Variants in GPC5 observed in about 807,000 individuals in gnomAD.
GPC5 encodes glypican-5.
A neutral mutation model predicts 53.9 loss-of-function variants in GPC5; 47 were observed. The observed-to-expected ratio is 0.87, with a 90% CI of 0.69 to 1.11. The LOEUF (loss-of-function observed/expected upper bound fraction) is 1.11. GPC5 is among the 50% of genes most tolerant of loss of function. GPC5 has a pLI of 0.00. For synonymous variants in GPC5, 286 were observed against 263.3 expected, an observed-to-expected ratio of 1.09 and a Z score of -0.84; for missense variants, 748 against 713.1, an observed-to-expected ratio of 1.05 and a Z score of -0.56.
chr13:92,826,635 G>A (rs1472479442), intron 7 of GPC5, among the ~76,000 whole-genome samples: 2 of 152,050 alleles, frequency 1.3e-5, no homozygotes, highest in African/African-American at 4.8e-5. Flanking sequence ...TATATCCCAA[G>A]GGACAGAATT....
intron 7 of GPC5, among the ~76,000 whole-genome samples, chr13:92,622,624 T>G (rs915411912): frequency 6.6e-6 from 1 of 151,968 alleles, no homozygotes; most frequent in Non-Finnish European, 1.5e-5. Context: ...AGTGCTGTGG[T>G]GCAGTCTCAG....
intron 3 of GPC5, among the ~76,000 whole-genome samples, chr13:91,716,064 C>T (rs1251454214): frequency 2.6e-5 from 4 of 152,086 alleles, no homozygotes; most frequent in Admixed American, 6.5e-5. Context: ...CAGGCATGAG[C>T]CACCATGCCT....
intron 7 of GPC5, among the ~76,000 whole-genome samples, chr13:92,666,293 G>T (rs527370326): frequency 2.8e-4 from 42 of 152,112 alleles, no homozygotes; most frequent in African/African-American, 9.9e-4. Context: ...GATTTTTACT[G>T]TGTATTGTAA....
chr13:92,390,495 C>T (rs544505691), intron 7 of GPC5, among the ~76,000 whole-genome samples: 12 of 152,088 alleles, frequency 7.9e-5, no homozygotes, highest in South Asian at 2.1e-4. Flanking sequence ...ATGACATAAT[C>T]GGCTGCAGCA....
At chr13:92,542,751 G>A (rs747870768) in intron 7 of GPC5, among the ~76,000 whole-genome samples, 2 of 151,934 alleles carry the variant, frequency 1.3e-5, no homozygotes, top group Non-Finnish European at 2.9e-5. Flanking sequence ...TTCCCGTTAG[G>A]TACAGTATTC....
intron 2 of GPC5, among the ~76,000 whole-genome samples, chr13:91,675,893 G>A (rs564606451): frequency 2.0e-5 from 3 of 152,230 alleles, no homozygotes; most frequent in Admixed American, 2.0e-4. Context: ...ACCCAAGAAA[G>A]AACATCGAAT....
At chr13:92,050,400 A>C (rs1012718808) in intron 6 of GPC5, among the ~76,000 whole-genome samples, 8 of 152,116 alleles carry the variant, frequency 5.3e-5, no homozygotes, top group Admixed American at 3.9e-4. Flanking sequence ...GCTTTCACTG[A>C]GTGGTTATAT....
At chr13:92,606,086 CT>C (rs917262147) in intron 7 of GPC5, among the ~76,000 whole-genome samples, 3 of 151,816 alleles carry the variant, frequency 2.0e-5, no homozygotes, top group East Asian at 1.9e-4. Context: ...TTTTATCTTT[CT>C]TTTTTTTATT....
intron 6 of GPC5, among the ~76,000 whole-genome samples, chr13:91,986,482 T>C (rs2040409511): frequency 6.6e-6 from 1 of 152,226 alleles, no homozygotes; most frequent in African/African-American, 2.4e-5. Context: ...AATTTGTTTG[T>C]AGCTATTTCC....
chr13:92,467,222 G>C (rs781351763), intron 7 of GPC5, among the ~76,000 whole-genome samples: 1 of 152,014 alleles, frequency 6.6e-6, no homozygotes, highest in Non-Finnish European at 1.5e-5. Flanking sequence ...CTTTTTCTTC[G>C]GAGCTTTTCA....
chr13:92,341,460 T>C (rs1196962867), intron 7 of GPC5, among the ~76,000 whole-genome samples: 1 of 152,100 alleles, frequency 6.6e-6, no homozygotes, highest in African/African-American at 2.4e-5. Context: ...AATTAATCTA[T>C]AAGATTAAAT....
intron 2 of GPC5, among the ~76,000 whole-genome samples, chr13:91,542,408 A>G (rs927301519): frequency 6.6e-6 from 1 of 152,246 alleles, no homozygotes; most frequent in Non-Finnish European, 1.5e-5. Context: ...TTCTGTCACA[A>G]TATGAGACTC....
chr13:92,318,146 A>G (rs891801722), intron 7 of GPC5, among the ~76,000 whole-genome samples: 1 of 152,222 alleles, frequency 6.6e-6, no homozygotes, highest in African/African-American at 2.4e-5. Context: ...AAGTATAAAA[A>G]TCAACTTGAT....
At chr13:92,224,835 G>T (rs532840882) in intron 7 of GPC5, among the ~76,000 whole-genome samples, 1 of 152,168 alleles carries the variant, frequency 6.6e-6, no homozygotes, top group Admixed American at 6.5e-5. Context: ...CTTGTGCCTG[G>T]TTTCTTACAG....
chr13:92,170,267 C>T (rs997779037), intron 7 of GPC5, among the ~76,000 whole-genome samples: 17 of 151,782 alleles, frequency 1.1e-4, no homozygotes, highest in Non-Finnish European at 1.5e-4. Flanking sequence ...TGATGTCCTA[C>T]ACAATCCATG....
chr13:91,976,156 G>A (rs1402466798), intron 6 of GPC5, among the ~76,000 whole-genome samples: 3 of 152,140 alleles, frequency 2.0e-5, no homozygotes, highest in African/African-American at 4.8e-5. Flanking sequence ...AGCATTAGGA[G>A]ATATACCTAA....
At chr13:91,721,194 G>A (rs1296747185) in intron 3 of GPC5, among the ~76,000 whole-genome samples, 2 of 151,316 alleles carry the variant, frequency 1.3e-5, no homozygotes, top group Non-Finnish European at 2.9e-5. Context: ...GAATGCAATG[G>A]TGCAATCTCA....
At chr13:91,852,550 A>C (rs191097984) in intron 5 of GPC5, among the ~76,000 whole-genome samples, 624 of 151,616 alleles carry the variant, frequency 4.1e-3, no homozygotes, top group Middle Eastern at 6.8e-3. Flanking sequence ...ATTTCTCTCT[A>C]TTAAGGAAAA....
intron 7 of GPC5, among the ~76,000 whole-genome samples, chr13:92,775,969 A>G (rs1240284764): frequency 6.6e-6 from 1 of 152,250 alleles, no homozygotes; most frequent in African/African-American, 2.4e-5. Context: ...GAGAAATACA[A>G]GCCTTGCCCT....
Sources: gnomAD v4.1 joint callset for allele counts (sites outside exome capture counted in the v4.1 genomes callset) on GRCh38, gnomAD v4.1.1 for gene constraint, MANE v1.5 for transcripts, NCBI Gene and HGNC (gene_info 2026-07-23, HGNC 2026-07-21) for gene names.